Variants in PLCB1 observed in about 807,000 individuals in gnomAD.
PLCB1 encodes the protein 1-phosphatidylinositol 4,5-bisphosphate phosphodiesterase beta-1.
PLCB1 carries 46 observed loss-of-function variants against 161.8 expected under a neutral mutation model. That is an observed-to-expected ratio of 0.28 (90% CI 0.22 to 0.36). PLCB1 has a LOEUF of 0.36. PLCB1 is among the 10% of genes least tolerant of loss of function. The pLI, the probability that PLCB1 is intolerant of heterozygous loss-of-function variation, is 1.00. For synonymous variants in PLCB1, 517 were observed against 503.7 expected (o/e 1.03, Z -0.35); for missense variants, 1,016 against 1,472.5 (o/e 0.69, Z 5.07).
intron 31 of PLCB1, among the ~76,000 whole-genome samples, chr20:8,844,572 C>G (rs1986621713): frequency 6.6e-6 from 1 of 151,366 alleles, no homozygotes. Context: ...AAAGTGAGAC[C>G]TGGTATCAAA....
chr20:8,186,935 G>A (rs2051912501), intron 2 of PLCB1, among the ~76,000 whole-genome samples: 1 of 152,098 alleles, frequency 6.6e-6, no homozygotes, highest in Non-Finnish European at 1.5e-5. Context: ...CTCTCTGTTG[G>A]CAGTAGTCAT....
At chr20:8,789,968 T>A (rs1983673571) in intron 30 of PLCB1, among the ~76,000 whole-genome samples, 1 of 152,170 alleles carries the variant, frequency 6.6e-6, no homozygotes, top group Non-Finnish European at 1.5e-5. Context: ...AACAGTGCAG[T>A]CCATTGATCA....
In PLCB1 at chr20:8,314,014, G is replaced by T. The variant is rs546122284; in HGVS notation, c.178-57368G>T. Reference sequence around the variant, plus strand: ...TTGACTCTCCCGAAGTAGGCTTATTGTATAGTAAGAGTTTAATAGTAAGTT... The same window carrying T: ...TTGACTCTCCCGAAGTAGGCTTATTTTATAGTAAGAGTTTAATAGTAAGTT... On this transcript the variant is annotated intron_variant, in intron 2 of 31. Transcript: ENST00000338037. Among the ~76,000 whole-genome samples the T allele has an allele frequency of 3.4e-4, 52 of 152,296 alleles. No individual in the cohort carries two copies. The South Asian group carries it at 9.3e-3, about 27-fold the overall frequency.
At chr20:8,171,910 A>G (rs1017279495) in intron 2 of PLCB1, among the ~76,000 whole-genome samples, 2 of 152,146 alleles carry the variant, frequency 1.3e-5, no homozygotes, top group African/African-American at 2.4e-5. Flanking sequence ...ATTTCTGAGG[A>G]TAGGTTGGTG....
At chr20:8,566,942 C>T (rs1351348627) in intron 3 of PLCB1, among the ~76,000 whole-genome samples, 1 of 151,410 alleles carries the variant, frequency 6.6e-6, no homozygotes, top group Non-Finnish European at 1.5e-5. Flanking sequence ...CTTGAGGGTT[C>T]CTTGTGTTGG....
At chr20:8,523,465 G>GCTCTCTCTCTCTCTCTCTCTCTCTCTCT (rs1174973173) in intron 3 of PLCB1, among the ~76,000 whole-genome samples, 7 of 48,800 alleles carry the variant, frequency 1.4e-4, no homozygotes, top group Admixed American at 1.2e-3. Context: ...TATATATTTG[G>GCTCTCTCTCTCTCTCTCTCTCTCTCTCT]CTCTCTCTCT....
At chr20:8,569,766 G>A (rs1363429812) in intron 3 of PLCB1, among the ~76,000 whole-genome samples, 2 of 152,132 alleles carry the variant, frequency 1.3e-5, no homozygotes, top group Non-Finnish European at 2.9e-5. Flanking sequence ...AAGTATACAT[G>A]CATTCCAGTT....
At chr20:8,665,036 C>A (rs935217720) in intron 9 of PLCB1, among the ~76,000 whole-genome samples, 4 of 152,098 alleles carry the variant, frequency 2.6e-5, no homozygotes, top group African/African-American at 4.8e-5. Flanking sequence ...CTACCTAAAG[C>A]ACAAACCACA....
intron 3 of PLCB1, among the ~76,000 whole-genome samples, chr20:8,463,269 G>T (rs986761715): frequency 2.6e-5 from 4 of 151,322 alleles, no homozygotes; most frequent in Non-Finnish European, 4.4e-5. Flanking sequence ...AAGATTCAAA[G>T]AATAATAATA....
At chr20:8,776,488 C>G (rs1270742608) in intron 27 of PLCB1, among the ~76,000 whole-genome samples, 1 of 152,122 alleles carries the variant, frequency 6.6e-6, no homozygotes, top group Non-Finnish European at 1.5e-5. Context: ...ATTATGATAC[C>G]TGGAATGCCA....
chr20:8,655,875 A>G (rs1989443669), intron 7 of PLCB1, among the ~76,000 whole-genome samples: 1 of 152,000 alleles, frequency 6.6e-6, no homozygotes, highest in Admixed American at 6.6e-5. Flanking sequence ...CCATTTACAG[A>G]GCTCCTGGTG....
chr20:8,484,183 G>T (rs1982623437), intron 3 of PLCB1, among the ~76,000 whole-genome samples: 1 of 151,460 alleles, frequency 6.6e-6, no homozygotes, highest in Admixed American at 6.6e-5. Flanking sequence ...GCGCCACCAT[G>T]CCCAGCTAAT....
intron 10 of PLCB1, among the ~76,000 whole-genome samples, chr20:8,696,272 CTTAA>C (rs1990582266): frequency 6.6e-6 from 1 of 152,184 alleles, no homozygotes; most frequent in African/African-American, 2.4e-5. Context: ...TCTTTCTGCA[CTTAA>C]TTGTCTTGGC....
intron 31 of PLCB1, among the ~76,000 whole-genome samples, chr20:8,824,522 G>A (rs963623256): frequency 1.3e-5 from 2 of 152,152 alleles, no homozygotes; most frequent in Non-Finnish European, 2.9e-5. Context: ...GGAAGTGGAT[G>A]AGAAAGAGTG....
intron 9 of PLCB1, among the ~76,000 whole-genome samples, chr20:8,665,979 A>C (rs1268636677): frequency 6.6e-6 from 1 of 152,204 alleles, no homozygotes; most frequent in East Asian, 1.9e-4. Context: ...TCATGGTTCC[A>C]ACCCAGCCAC....
intron 3 of PLCB1, among the ~76,000 whole-genome samples, chr20:8,431,072 T>C (rs527834420): frequency 1.8e-4 from 28 of 152,036 alleles, no homozygotes; most frequent in Admixed American, 5.2e-4. Flanking sequence ...TAATATATAA[T>C]CAGATATTAA....
At chr20:8,845,146 C>A (rs6133628) in intron 31 of PLCB1, among the ~76,000 whole-genome samples, 1 of 151,468 alleles carries the variant, frequency 6.6e-6, no homozygotes, top group South Asian at 2.1e-4. Context: ...AAATAAAGTA[C>A]TAGATTATGT....
chr20:8,560,134 A>G lies in PLCB1; in HGVS notation c.247-68160A>G, dbSNP rs1011930384. Among the ~76,000 whole-genome samples the G allele has an allele frequency of 6.6e-5, 10 of 151,962 alleles. 1 individual carries two copies. In the South Asian group the frequency reaches 1.9e-3, roughly 28 times the overall value. On this transcript the variant is annotated intron_variant, in intron 3 of 31. Coordinates refer to ENST00000338037, the MANE Select transcript of PLCB1 (RefSeq NM_015192.4). Reference sequence around the variant, plus strand: ...AATACAAACTACTGAGCCTCACCCAATGTGTCTGATTCAGTAGGCCTGGAG... The same window carrying G: ...AATACAAACTACTGAGCCTCACCCAGTGTGTCTGATTCAGTAGGCCTGGAG...
intron 3 of PLCB1, among the ~76,000 whole-genome samples, chr20:8,608,037 A>G (rs547255835): frequency 6.6e-6 from 1 of 152,250 alleles, no homozygotes; most frequent in East Asian, 1.9e-4. Context: ...TTTTTTAATG[A>G]CTAGAATATA....
Sources: gnomAD v4.1 joint callset for allele counts (sites outside exome capture counted in the v4.1 genomes callset) on GRCh38, gnomAD v4.1.1 for gene constraint, MANE v1.5 for transcripts, NCBI Gene and HGNC (gene_info 2026-07-23, HGNC 2026-07-21) for gene names.